RBFOX1: variants seen among roughly 807,000 people sequenced by gnomAD.
The protein encoded by RBFOX1 is RNA binding fox-1 homolog 1, also known as RNA binding protein fox-1 homolog 1.
RBFOX1 carries 8 observed loss-of-function variants against 57.7 expected under a neutral mutation model. The observed-to-expected ratio is 0.14, with a 90% CI of 0.08 to 0.25. The LOEUF (loss-of-function observed/expected upper bound fraction) is 0.25. RBFOX1 is among the 10% of genes least tolerant of loss of function. The pLI, the probability that RBFOX1 is intolerant of heterozygous loss-of-function variation, is 1.00. For synonymous variants in RBFOX1, 326 were observed against 222.4 expected (o/e 1.47, Z -4.15); for missense variants, 611 against 548.5 (o/e 1.11, Z -1.14).
intron 3 of RBFOX1, among the ~76,000 whole-genome samples, chr16:6,663,771 C>G (rs768405993): frequency 6.6e-6 from 1 of 152,154 alleles, no homozygotes; most frequent in Non-Finnish European, 1.5e-5. Context: ...TAGAGCATCC[C>G]TGAGAAAGGG....
intron 4 of RBFOX1, among the ~76,000 whole-genome samples, chr16:7,214,979 G>T (rs887255314): frequency 1.1e-4 from 16 of 152,220 alleles, no homozygotes; most frequent in African/African-American, 3.9e-4. Flanking sequence ...ATGGTGGTTT[G>T]CTGCACCTAT....
chr16:6,887,917 C>A (rs2064490861), intron 3 of RBFOX1, among the ~76,000 whole-genome samples: 1 of 152,104 alleles, frequency 6.6e-6, no homozygotes, highest in African/African-American at 2.4e-5. Flanking sequence ...CCGTCATGGC[C>A]TCCCAAAGTG....
At chr16:6,461,396 A>C (rs1032041418) in intron 2 of RBFOX1, among the ~76,000 whole-genome samples, 4 of 152,344 alleles carry the variant, frequency 2.6e-5, no homozygotes, top group African/African-American at 9.6e-5. Context: ...TGAGGGATTA[A>C]GACTTCAACG....
At chr16:5,286,677 C>G (rs1245149883) in intron 1 of RBFOX1, among the ~76,000 whole-genome samples, 1 of 152,152 alleles carries the variant, frequency 6.6e-6, no homozygotes, top group South Asian at 2.1e-4. Flanking sequence ...ATGATAAGCT[C>G]AGAATCTAAA....
chr16:7,422,733 C>T (rs750902872), intron 4 of RBFOX1: 3 of 152,008 alleles, frequency 2.0e-5, no homozygotes, highest in Non-Finnish European at 2.9e-5. Context: ...CAAACCCCTC[C>T]CCTCCCATGT....
rs34056673 is a variant in RBFOX1, at chr16:7,023,564, T to TAAAAAAAAAAAAAAAAAAAAAAA, written c.-15-28485_-15-28463dup. The stretch of plus-strand genomic sequence containing the variant: ...CAACATGGTGAAACTTCGTCTGTAC[T>TAAAAAAAAAAAAAAAAAAAAAAA]AAAAAAAAAAAAAAAAAAAAAAAAA... On this transcript the variant is annotated intron_variant, in intron 3 of 15. Transcript: ENST00000550418. 5.7e-4 allele frequency among the ~76,000 whole-genome samples: 25 copies of TAAAAAAAAAAAAAAAAAAAAAAA among 43,926 alleles called. 3 individuals carry two copies. Among genetic ancestry groups the TAAAAAAAAAAAAAAAAAAAAAAA allele is most frequent in the East Asian group, 1.9e-3 (2 of 1,066 alleles). 28.8% of individuals were successfully genotyped at this position (43,926 alleles called of 152,430 possible). A position where few individuals can be genotyped will look rare whatever the true frequency, so the allele number is the denominator to read the frequency against.
At chr16:6,109,251 G>A (rs973515653) in intron 1 of RBFOX1, among the ~76,000 whole-genome samples, 2 of 152,068 alleles carry the variant, frequency 1.3e-5, no homozygotes, top group African/African-American at 4.8e-5. Context: ...AATGCCTGCA[G>A]TGAAAAGCAT....
Position 7,711,707 on chromosome 16 carries a change from G to C in RBFOX1, c.*962G>C, listed in dbSNP as rs962420046. 6.6e-6 allele frequency: 1 copy of C among 152,530 alleles called. No individual in the cohort carries two copies. The highest frequency in any genetic ancestry group is 1.5e-5 in the Non-Finnish European group (1 of 68,022). The allele number at this position is 152,530 out of a possible 1,614,324, so 9.4% of individuals were successfully genotyped here. A position where few individuals can be genotyped will look rare whatever the true frequency, so the allele number is the denominator to read the frequency against. The stretch of plus-strand genomic sequence containing the variant: ...TGTGCAGTGGAGTTGTTAAGTTCTA[G>C]AAACAGTCTATGAAGCTTTAGTTTT... On this transcript the variant is annotated 3_prime_UTR_variant, in exon 16 of 16. Coordinates refer to ENST00000550418, the MANE Select transcript of RBFOX1 (RefSeq NM_018723.4).
intron 4 of RBFOX1, among the ~76,000 whole-genome samples, chr16:7,413,669 A>C (rs1333814364): frequency 6.6e-6 from 1 of 152,004 alleles, no homozygotes; most frequent in African/African-American, 2.4e-5. Context: ...CATAAATGTC[A>C]AAAAAGTATT....
intron 14 of RBFOX1, among the ~76,000 whole-genome samples, chr16:7,682,197 G>A (rs2074939588): frequency 6.6e-6 from 1 of 152,036 alleles, no homozygotes; most frequent in Non-Finnish European, 1.5e-5. Context: ...GTTCTTCCTT[G>A]GCAAAGTAAA....
At chr16:7,644,870 G>C (rs1320272124) in intron 11 of RBFOX1, among the ~76,000 whole-genome samples, 2 of 152,164 alleles carry the variant, frequency 1.3e-5, no homozygotes, top group Non-Finnish European at 1.5e-5. Context: ...CCTTTGGAGG[G>C]AGCGATGTTT....
intron 4 of RBFOX1, among the ~76,000 whole-genome samples, chr16:7,104,226 G>T (rs2063179441): frequency 6.6e-6 from 1 of 152,102 alleles, no homozygotes; most frequent in South Asian, 2.1e-4. Flanking sequence ...ACTGAAAACT[G>T]CAGTATTAAC....
chr16:7,326,018 T>C (rs1037235697), intron 4 of RBFOX1, among the ~76,000 whole-genome samples: 13 of 152,160 alleles, frequency 8.5e-5, no homozygotes, highest in African/African-American at 2.7e-4. Context: ...ATTACAGGCA[T>C]GTAGGGAAAC....
Position 7,277,646 on chromosome 16 carries a change from A to T in RBFOX1, c.27+225548A>T, listed in dbSNP as rs550803002. Among the ~76,000 whole-genome samples, 6 of 152,260 alleles carry T rather than the reference A, an allele frequency of 3.9e-5. No individual in the cohort carries two copies. In the South Asian group the frequency reaches 1.2e-3, roughly 32 times the overall value. ...CTTAGTCTCAGTGGTAGGGTTCCTT[A>T]AAGGCCCAAGAAGCTTGAGAGAAGT... On this transcript the variant is annotated intron_variant, in intron 4 of 15. Transcript: ENST00000550418.
At chr16:5,669,855 T>C (rs907304121) in intron 3 of RBFOX1, among the ~76,000 whole-genome samples, 3 of 152,216 alleles carry the variant, frequency 2.0e-5, no homozygotes, top group Non-Finnish European at 4.4e-5. Flanking sequence ...GTCAGGTATA[T>C]GTATATGTCC....
chr16:5,430,964 A>T (rs1226997392), intron 1 of RBFOX1, among the ~76,000 whole-genome samples: 2 of 152,224 alleles, frequency 1.3e-5, no homozygotes, highest in Non-Finnish European at 2.9e-5. Flanking sequence ...CGCAGTGCAT[A>T]ATAAGGTGAC....
At chr16:7,375,574 G>A (rs2097671193) in intron 4 of RBFOX1, among the ~76,000 whole-genome samples, 1 of 151,292 alleles carries the variant, frequency 6.6e-6, no homozygotes, top group Admixed American at 6.6e-5. Flanking sequence ...TTTGAGAAAT[G>A]GGTTTATACT....
intron 2 of RBFOX1, among the ~76,000 whole-genome samples, chr16:6,565,056 A>G (rs569644168): frequency 5.4e-5 from 8 of 149,238 alleles, no homozygotes; most frequent in South Asian, 4.4e-4. Flanking sequence ...GCTTGAACCC[A>G]GGAGACAGAG....
At chr16:5,285,349 A>T (rs1429808809) in intron 1 of RBFOX1, among the ~76,000 whole-genome samples, 1 of 142,952 alleles carries the variant, frequency 7.0e-6, no homozygotes, top group Non-Finnish European at 1.5e-5. Context: ...CATTCAGATC[A>T]TGAATTGTTT....
Sources: gnomAD v4.1 joint callset for allele counts (sites outside exome capture counted in the v4.1 genomes callset) on GRCh38, gnomAD v4.1.1 for gene constraint, MANE v1.5 for transcripts, NCBI Gene and HGNC (gene_info 2026-07-23, HGNC 2026-07-21) for gene names.